PHF20L1: variants seen among roughly 807,000 people sequenced by gnomAD.
PHF20L1 encodes PHD finger protein 20 like 1.
A neutral mutation model predicts 125.5 loss-of-function variants in PHF20L1; 44 were observed. The observed-to-expected ratio is 0.35, with a 90% confidence interval of 0.28 to 0.45. The LOEUF is 0.45. PHF20L1 is among the 20% of genes least tolerant of loss of function. The pLI, the probability that PHF20L1 is intolerant of heterozygous loss-of-function variation, is 1.00. For missense variants in PHF20L1, 1,012 were observed against 1,217.2 expected (o/e 0.83, Z 2.51); for synonymous variants, 380 against 403.1 (o/e 0.94, Z 0.69).
At position 132,836,600 on chromosome 8, in the gene PHF20L1, A is replaced by G; in HGVS notation, c.1970A>G (p.Asp657Gly). Residue 657 changes from aspartate to glycine, a missense_variant, in exon 16 of 21, where the codon GAT (aspartate) becomes GGT (glycine). Asp to Gly is a moderately conservative substitution (Grantham distance 94). This residue lies in a region of PHF20L1 where 320 missense variants were observed against 293.8 expected (regional missense o/e 1.09). Transcript: ENST00000395386. ...ACGGAGAGTTTGCTTCTGAGTGGGGATGAATACAATCAGGACTTTGATTCA... is the reference window on the plus strand; with the variant it reads ...ACGGAGAGTTTGCTTCTGAGTGGGGGTGAATACAATCAGGACTTTGATTCA... ...SSTESLLLSGDEYNQDFDSTN... is the reference protein window; with the variant it reads ...SSTESLLLSGGEYNQDFDSTN... 6.2e-7 allele frequency: 1 copy of G among 1,611,772 alleles called. No homozygotes were observed. The highest frequency in any genetic ancestry group is 8.5e-7 in the Non-Finnish European group (1 of 1,178,122).
At chr8:132,817,274 A>G in intron 11 of PHF20L1, 65 bp from the exon 12 acceptor site, 1 of 1,330,462 alleles carries the variant, frequency 7.5e-7, no homozygotes. Flanking sequence ...ACTTTAATTC[A>G]CAGTGATAGT....
intron 15 of PHF20L1, among the ~76,000 whole-genome samples, chr8:132,834,238 TA>T (rs1275128939): frequency 1.3e-5 from 2 of 152,164 alleles, no homozygotes; most frequent in Non-Finnish European, 2.9e-5. Flanking sequence ...GAGAATATGA[TA>T]AATTTGCTTG....
At chr8:132,804,079 C>CA (rs746671907) in intron 7 of PHF20L1, 47 bp downstream of exon 7, 26 of 1,263,168 alleles carry the variant, frequency 2.1e-5, no homozygotes, top group Non-Finnish European at 3.0e-5. Flanking sequence ...CTGGTAAACT[C>CA]ATGTAGTAAA....
At chr8:132,816,316 T>G (rs998841120) in intron 10 of PHF20L1, 1 of 151,356 alleles carries the variant, frequency 6.6e-6, no homozygotes, top group African/African-American at 2.4e-5. Flanking sequence ...TACAAAGTTG[T>G]TTTTGTTCAT....
chr8:132,794,701 A>C (rs780464503), intron 3 of PHF20L1, 32 bp from the exon 4 acceptor site: 28 of 1,550,342 alleles, frequency 1.8e-5, no homozygotes, highest in Non-Finnish European at 2.4e-5. Flanking sequence ...TTTAATATAC[A>C]TGGAATTGAT....
chr8:132,780,845 T>C lies in PHF20L1; in HGVS notation c.83+2934T>C, dbSNP rs963514046. ...AATGCCTATTAAAGGTTTTTCTTGC[T>C]TTTTTTTTTTTTTTTTTGAGACAGA... On this transcript the variant is annotated intron_variant, in intron 2 of 20. Coordinates refer to ENST00000395386, the MANE Select transcript of PHF20L1 (RefSeq NM_016018.5). Among the ~76,000 whole-genome samples, 106 of 136,856 alleles carry C rather than the reference T, an allele frequency of 7.7e-4. 1 individual carries two copies. The highest frequency in any genetic ancestry group is 1.9e-4 in the African/African-American group (7 of 36,432). 89.8% of individuals were successfully genotyped at this position (136,856 alleles called of 152,430 possible). A position where few individuals can be genotyped will look rare whatever the true frequency, so the allele number is the denominator to read the frequency against.
intron 19 of PHF20L1, chr8:132,843,707 C>G: frequency 4.1e-6 from 4 of 983,686 alleles, no homozygotes; most frequent in Non-Finnish European, 3.6e-6. Flanking sequence ...ATTTACTGTA[C>G]TATAACAGTA....
At chr8:132,809,128 G>T (rs192092008) in intron 8 of PHF20L1, 1 of 151,860 alleles carries the variant, frequency 6.6e-6, no homozygotes, top group African/African-American at 2.4e-5. Flanking sequence ...ATTTGTTTGA[G>T]TACTACTTTA....
At chr8:132,841,195 A>G (rs1259107457) in intron 18 of PHF20L1, among the ~76,000 whole-genome samples, 1 of 152,056 alleles carries the variant, frequency 6.6e-6, no homozygotes, top group Non-Finnish European at 1.5e-5. Flanking sequence ...GTTAGTATGT[A>G]CGATTTATTG....
chr8:132,797,475 G>C (rs554566876), intron 4 of PHF20L1, among the ~76,000 whole-genome samples: 2 of 152,096 alleles, frequency 1.3e-5, no homozygotes, highest in Admixed American at 1.3e-4. Flanking sequence ...GAAATAGCAT[G>C]AGCAAAGGCA....
intron 14 of PHF20L1, among the ~76,000 whole-genome samples, chr8:132,828,069 T>C (rs1230382093): frequency 6.6e-6 from 1 of 152,056 alleles, no homozygotes; most frequent in Non-Finnish European, 1.5e-5. Flanking sequence ...GAAGTAACTT[T>C]GAAATTTTAA....
intron 9 of PHF20L1, among the ~76,000 whole-genome samples, chr8:132,813,428 A>G (rs1834606652): frequency 6.6e-6 from 1 of 152,004 alleles, no homozygotes; most frequent in Non-Finnish European, 1.5e-5. Context: ...AATACCAAAT[A>G]TGCACTTTTC....
chr8:132,843,505 G>C, intron 19 of PHF20L1: 1 of 984,212 alleles, frequency 1.0e-6, no homozygotes, highest in Non-Finnish European at 1.2e-6. Flanking sequence ...AAGTGAATTG[G>C]AACGTTTGTA....
At chr8:132,778,440 T>A (rs1368116029) in intron 2 of PHF20L1, among the ~76,000 whole-genome samples, 1 of 152,206 alleles carries the variant, frequency 6.6e-6, no homozygotes, top group African/African-American at 2.4e-5. Context: ...TTTTCCCTGG[T>A]GGGCCTTAAC....
At chr8:132,836,807 A>G (rs573944460) in intron 16 of PHF20L1, 86 bp downstream of exon 16, 120 of 918,946 alleles carry the variant, frequency 1.3e-4, no homozygotes, top group Middle Eastern at 1.1e-3. Context: ...TTCTTTACTG[A>G]CTGTACTACT....
intron 2 of PHF20L1, among the ~76,000 whole-genome samples, chr8:132,790,122 A>G (rs1831508005): frequency 6.6e-6 from 1 of 152,204 alleles, no homozygotes; most frequent in African/African-American, 2.4e-5. Context: ...AAACAACAAC[A>G]TTAACACTAC....
intron 8 of PHF20L1, chr8:132,807,184 T>C (rs1357811285): frequency 2.0e-5 from 3 of 153,730 alleles, no homozygotes; most frequent in Non-Finnish European, 4.3e-5. Context: ...CACATATGCA[T>C]ATTGCATATA....
Position 132,775,439 on chromosome 8 carries a change from C to T in PHF20L1, c.-244C>T, listed in dbSNP as rs945432261. The T allele has an allele frequency of 5.7e-5, 22 of 385,592 alleles. No individual in the cohort carries two copies. Among genetic ancestry groups the T allele is most frequent in the Non-Finnish European group, 8.6e-5 (19 of 219,794 alleles). The allele number at this position is 385,592 out of a possible 1,614,324, so 23.9% of individuals were successfully genotyped here. On this transcript the variant is annotated 5_prime_UTR_variant, in exon 1 of 21. Transcript: ENST00000395386. ...GCGGCGGCGGCGATGGCAGCGGACC[C>T]TGAGCGAGCTTGAGGGCTCGGACCC...
At chr8:132,797,359 G>C (rs575592001) in intron 4 of PHF20L1, among the ~76,000 whole-genome samples, 16 of 152,086 alleles carry the variant, frequency 1.1e-4, no homozygotes, top group African/African-American at 3.9e-4. Flanking sequence ...GGGCCAGTCA[G>C]TGTGTACTGG....
Sources: allele counts gnomAD v4.1 joint callset (sites outside exome capture counted in the v4.1 genomes callset), GRCh38; gene constraint gnomAD v4.1.1; regional missense constraint gnomAD v4.1.1; transcripts MANE v1.5; gene names NCBI Gene and HGNC (gene_info 2026-07-23, HGNC 2026-07-21).